The following OR52N4 variants were observed in gnomAD, a reference collection of about 807,000 sequenced individuals.
OR52N4 encodes the protein olfactory receptor family 52 subfamily N member 4.
A neutral mutation model predicts 15.0 loss-of-function variants in OR52N4; 15 were observed. That is an observed-to-expected ratio of 1.00 (90% CI 0.67 to 1.54). The LOEUF is 1.54. OR52N4 is among the 40% of genes most tolerant of loss of function. The pLI is 0.00. For synonymous variants in OR52N4, 143 were observed against 143.7 expected (o/e 1.00, Z 0.03); for missense variants, 421 against 394.0 (o/e 1.07, Z -0.58).
the OR52N4 span, chr11:5,738,648 G>C: frequency 6.6e-6 from 1 of 151,648 alleles, no homozygotes; most frequent in Non-Finnish European, 1.5e-5. Flanking sequence ...ACCCACATAA[G>C]AATGTAGGCA....
the OR52N4 span, among the ~76,000 whole-genome samples, chr11:5,748,561 T>G: frequency 6.6e-6 from 1 of 151,892 alleles, no homozygotes; most frequent in African/African-American, 2.4e-5. Context: ...CTTGAAAAAG[T>G]AAAAATTTTA....
the OR52N4 span, chr11:5,736,779 C>T: frequency 6.2e-7 from 1 of 1,614,064 alleles, no homozygotes; most frequent in Non-Finnish European, 8.5e-7. Flanking sequence ...ACTATCATCC[C>T]TAAGATCCTG....
At chr11:5,737,131 C>G in the OR52N4 span, 1 of 1,613,846 alleles carries the variant, frequency 6.2e-7, no homozygotes, top group East Asian at 2.2e-5. Context: ...GGCCAAACAG[C>G]ATTTGCCAGT....
chr11:5,736,601 A>G, the OR52N4 span: 1 of 1,614,048 alleles, frequency 6.2e-7, no homozygotes, highest in South Asian at 1.1e-5. Flanking sequence ...ATTCCCGGGC[A>G]TTCACAGCTG....
the OR52N4 span, among the ~76,000 whole-genome samples, chr11:5,745,835 A>G: frequency 6.6e-6 from 1 of 152,204 alleles, no homozygotes; most frequent in African/African-American, 2.4e-5. Flanking sequence ...ATCAGGTAAC[A>G]TCACATTACT....
At chr11:5,736,851 C>T in the OR52N4 span, 2 of 1,613,964 alleles carry the variant, frequency 1.2e-6, no homozygotes, top group Non-Finnish European at 8.5e-7. Flanking sequence ...CAGATTTATG[C>T]CATTCACTTC....
In OR52N4 at chr11:5,754,843, T is replaced by C. The variant is rs1319518800; in HGVS notation, c.103T>C (p.Ser35Pro). ...TQLWISFPFC[S>P]MYVVAMVGNC... ...ACTCTGGATTTCCTTCCCATTCTGC[T>C]CTATGTATGTTGTGGCTATGGTAGG... The change falls in exon 2 of 2, where the codon TCT (serine) becomes CCT (proline). Residue 35 changes from serine (S) to proline (P), a missense_variant. Ser to Pro is a moderately conservative substitution (Grantham distance 74). Coordinates refer to ENST00000641350, the MANE Select transcript of OR52N4 (RefSeq NM_001005175.5). 2 of 1,613,838 alleles carry C rather than the reference T, an allele frequency of 1.2e-6. No individual in the cohort carries two copies.
At chr11:5,736,213 A>G in the OR52N4 span, 1 of 297,370 alleles carries the variant, frequency 3.4e-6, no homozygotes, top group South Asian at 4.8e-5. Flanking sequence ...TGATATCAAA[A>G]TTTTGAAAGG....
chr11:5,734,841 T>C, the OR52N4 span, among the ~76,000 whole-genome samples: 36 of 152,098 alleles, frequency 2.4e-4, no homozygotes, highest in African/African-American at 7.5e-4. Flanking sequence ...ACCTCCATTA[T>C]TGCTTGTGCT....
At chr11:5,737,059 T>G in the OR52N4 span, 1 of 1,614,124 alleles carries the variant, frequency 6.2e-7, no homozygotes, top group Non-Finnish European at 8.5e-7. Context: ...GCTCCAAGAA[T>G]GAAATTGAAC....
At chr11:5,732,229 C>G in the OR52N4 span, among the ~76,000 whole-genome samples, 2 of 152,150 alleles carry the variant, frequency 1.3e-5, no homozygotes, top group Non-Finnish European at 2.9e-5. Context: ...CTGGTAACCA[C>G]CATTCTACTT....
chr11:5,747,077 CAAAAAA>C, the OR52N4 span, among the ~76,000 whole-genome samples: 2 of 57,260 alleles, frequency 3.5e-5, no homozygotes, highest in Admixed American at 2.6e-4. Context: ...GTAAAAATAC[CAAAAAA>C]AAAAAAAAAA....
the OR52N4 span, chr11:5,737,504 T>C: frequency 2.5e-6 from 4 of 1,595,380 alleles, no homozygotes; most frequent in Non-Finnish European, 1.7e-6. Flanking sequence ...ACCTTCTCCA[T>C]GATGTACATG....
the OR52N4 span, chr11:5,727,149 T>C: frequency 6.5e-6 from 1 of 152,978 alleles, no homozygotes; most frequent in Non-Finnish European, 1.5e-5. Flanking sequence ...TTTGCATTGG[T>C]CTCTCCTATG....
At chr11:5,733,770 A>T in the OR52N4 span, among the ~76,000 whole-genome samples, 1 of 152,172 alleles carries the variant, frequency 6.6e-6, no homozygotes, top group Non-Finnish European at 1.5e-5. Flanking sequence ...TTTCTCCTTT[A>T]AAAATGTTTA....
chr11:5,737,306 G>T, the OR52N4 span: 5 of 1,614,006 alleles, frequency 3.1e-6, no homozygotes, highest in Non-Finnish European at 3.4e-6. Flanking sequence ...TTACACTATT[G>T]TTGTAGTGAT....
the OR52N4 span, chr11:5,737,357 C>G: frequency 1.2e-6 from 2 of 1,614,058 alleles, no homozygotes; most frequent in South Asian, 2.2e-5. Context: ...TACTTTGATT[C>G]CAGTTCTACT....
At chr11:5,751,186 T>C (rs1854183448), upstream of OR52N4, among the ~76,000 whole-genome samples, 1 of 143,802 alleles carries the variant, frequency 7.0e-6, no homozygotes, top group South Asian at 2.3e-4. Context: ...ACTGTTTATC[T>C]AAAAATATTA....
the OR52N4 span, among the ~76,000 whole-genome samples, chr11:5,729,150 C>T: frequency 3.5e-5 from 4 of 115,578 alleles, no homozygotes; most frequent in East Asian, 2.6e-4. Context: ...GGCAGAGTCT[C>T]GCTCTGTCAC....
Sources: gnomAD v4.1 joint callset for allele counts (sites outside exome capture counted in the v4.1 genomes callset) on GRCh38, gnomAD v4.1.1 for gene constraint, MANE v1.5 for transcripts, NCBI Gene and HGNC (gene_info 2026-07-23, HGNC 2026-07-21) for gene names.